APP: variants seen among roughly 807,000 people sequenced by gnomAD.
The protein encoded by APP is amyloid beta precursor protein, also known as amyloid-beta precursor protein.
In APP, 31 loss-of-function variants were observed where a neutral mutation model predicts 101.4. That is an observed-to-expected ratio of 0.31 (90% CI 0.23 to 0.41). APP has a LOEUF of 0.41. Ranked by LOEUF, APP falls within the 10% of genes least tolerant of loss-of-function variation. The probability of loss-of-function intolerance (pLI) is 1.00; values close to 1 mark genes in which losing one functional copy is unlikely to be tolerated. For synonymous variants in APP, 366 were observed against 364.4 expected (o/e 1.00, Z -0.05); for missense variants, 839 against 1,003.7 (o/e 0.84, Z 2.22).
Position 26,098,207 on chromosome 21 carries a change from T to G in APP, c.226-8135A>C, listed in dbSNP as rs189892829. ...TATTTTTATATATAATAATTATTAT[T>G]AATATTAAAAGCTTATCATCGGTAG... On this transcript the variant is annotated intron_variant, in intron 2 of 17. Transcript: ENST00000346798. Among the ~76,000 whole-genome samples, 588 of 149,000 alleles carry G rather than the reference T, an allele frequency of 3.9e-3. 7 individuals carry two copies. The highest frequency in any genetic ancestry group is 0.014 in the African/African-American group (567 of 41,036).
At chr21:25,917,293 T>C (rs2039401000) in intron 13 of APP, among the ~76,000 whole-genome samples, 1 of 149,568 alleles carries the variant, frequency 6.7e-6, no homozygotes, top group South Asian at 2.1e-4. Flanking sequence ...GCTTTGAGGA[T>C]GTATACGAGG....
intron 3 of APP, among the ~76,000 whole-genome samples, chr21:26,056,908 G>A (rs758867807): frequency 6.6e-6 from 1 of 152,182 alleles, no homozygotes; most frequent in African/African-American, 2.4e-5. Context: ...AATTGTAAGC[G>A]ATTCAACCAC....
At chr21:25,933,291 T>TG (rs1351643224) in intron 13 of APP, among the ~76,000 whole-genome samples, 2 of 152,146 alleles carry the variant, frequency 1.3e-5, no homozygotes, top group Admixed American at 1.3e-4. Context: ...TTTGTAGAGA[T>TG]GGGGTCTCAC....
intron 11 of APP, among the ~76,000 whole-genome samples, chr21:25,966,731 G>A (rs1195362755): frequency 6.6e-6 from 1 of 152,202 alleles, no homozygotes; most frequent in Non-Finnish European, 1.5e-5. Context: ...TTTGTTGGGT[G>A]AAGGGCAATT....
chr21:26,089,100 A>G (rs942702212), intron 3 of APP, among the ~76,000 whole-genome samples: 1 of 152,182 alleles, frequency 6.6e-6, no homozygotes, highest in African/African-American at 2.4e-5. Context: ...ATACATCAAT[A>G]TTTGTCCACA....
intron 1 of APP, among the ~76,000 whole-genome samples, chr21:26,139,369 A>T (rs2062992190): frequency 6.6e-6 from 1 of 152,156 alleles, no homozygotes; most frequent in African/African-American, 2.4e-5. Flanking sequence ...AGAAAGGGTT[A>T]TTTCTTCCAA....
intron 5 of APP, among the ~76,000 whole-genome samples, chr21:26,022,388 C>T (rs2044381399): frequency 6.6e-6 from 1 of 151,894 alleles, no homozygotes; most frequent in Admixed American, 6.6e-5. Context: ...TTTTTAGAAA[C>T]TACTCTGCAC....
At chr21:26,089,575 G>GA (rs1360717158) in intron 3 of APP, 3 of 125,298 alleles carry the variant, frequency 2.4e-5, no homozygotes, top group Non-Finnish European at 4.7e-5. Context: ...CTTTCTTCTA[G>GA]AAAGTCTATG....
rs8128764 is a variant in APP, at chr21:26,060,318, C to T, written c.356-6970G>A. On this transcript the variant is annotated intron_variant, in intron 3 of 17. Transcript: ENST00000346798. ...GAATACATGACAGCAATCAACACAG[C>T]GGGGTGGAGTCCCTACGACTGGAGA... is the stretch of plus-strand genomic sequence containing the variant. 4.6e-3 allele frequency among the ~76,000 whole-genome samples: 707 copies of T among 152,218 alleles called. 6 individuals carry two copies. The highest frequency in any genetic ancestry group is 0.016 in the African/African-American group (675 of 41,532).
rs531850513 is a variant in APP, at chr21:26,133,701, G to C, written c.58-21555C>G. ...GCAGGAGAATCGCTTGAACCTGAGG[G>C]GCAGAGGTTGCAGTGAGCCGAGATC... On this transcript the variant is annotated intron_variant, in intron 1 of 17. Transcript: ENST00000346798. Among the ~76,000 whole-genome samples, 25 of 152,206 alleles carry C rather than the reference G, an allele frequency of 1.6e-4. 1 individual carries two copies. In the South Asian group the frequency reaches 4.8e-3, roughly 29 times the overall value.
intron 13 of APP, among the ~76,000 whole-genome samples, chr21:25,913,606 C>T (rs2039190288): frequency 6.6e-6 from 1 of 152,228 alleles, no homozygotes; most frequent in African/African-American, 2.4e-5. Context: ...GGTGCATACA[C>T]ATTCATCTTG....
chr21:25,923,075 G>A (rs1164582265), intron 13 of APP, among the ~76,000 whole-genome samples: 4 of 136,064 alleles, frequency 2.9e-5, no homozygotes, highest in African/African-American at 5.7e-5. Flanking sequence ...AAATAACGCC[G>A]CATACCTACA....
At chr21:26,081,098 G>A (rs1173245310) in intron 3 of APP, among the ~76,000 whole-genome samples, 2 of 152,052 alleles carry the variant, frequency 1.3e-5, no homozygotes, top group Non-Finnish European at 2.9e-5. Flanking sequence ...AAATACATGG[G>A]ATGATTGAAT....
intron 3 of APP, among the ~76,000 whole-genome samples, chr21:26,072,122 G>C (rs1406611345): frequency 6.6e-6 from 1 of 152,076 alleles, no homozygotes; most frequent in Admixed American, 6.5e-5. Flanking sequence ...ACAGCTAATG[G>C]GTTAAAAAGC....
At chr21:26,082,716 C>T (rs2061622263) in intron 3 of APP, among the ~76,000 whole-genome samples, 1 of 152,150 alleles carries the variant, frequency 6.6e-6, no homozygotes, top group Non-Finnish European at 1.5e-5. Context: ...TACTTCCTGT[C>T]AAGTCTTCCT....
intron 2 of APP, among the ~76,000 whole-genome samples, chr21:26,106,024 G>C (rs1039191839): frequency 4.6e-5 from 7 of 152,208 alleles, no homozygotes; most frequent in Non-Finnish European, 1.0e-4. Context: ...GTGGCTCCAA[G>C]GGCAGACGTG....
chr21:26,022,145 A>G, intron 5 of APP, 103 bp from the exon 6 acceptor site: 1 of 1,321,882 alleles, frequency 7.6e-7, no homozygotes, highest in Non-Finnish European at 1.1e-6. Flanking sequence ...GAGAAGAAAC[A>G]CACCCAAAAC....
At chr21:25,976,336 T>C (rs549332278) in intron 9 of APP, among the ~76,000 whole-genome samples, 214 of 152,280 alleles carry the variant, frequency 1.4e-3, no homozygotes, top group African/African-American at 5.0e-3. Context: ...ATACCAACTA[T>C]TCATGGAAGG....
chr21:26,039,913 A>G lies in APP; in HGVS notation c.662+11087T>C, dbSNP rs569011091. Among the ~76,000 whole-genome samples, 3 of 152,306 alleles carry G rather than the reference A, an allele frequency of 2.0e-5. No individual in the cohort carries two copies. The East Asian group carries it at 5.8e-4, about 29-fold the overall frequency. On this transcript the variant is annotated intron_variant, in intron 5 of 17. Transcript: ENST00000346798. Reference sequence around the variant, plus strand: ...AAATAATAACTTGACTGCCTTACAAAATCAATTTGAGCTACTGTATTTACA... The same window carrying G: ...AAATAATAACTTGACTGCCTTACAAGATCAATTTGAGCTACTGTATTTACA...
Sources: allele counts gnomAD v4.1 joint callset (sites outside exome capture counted in the v4.1 genomes callset), GRCh38; gene constraint gnomAD v4.1.1; transcripts MANE v1.5; gene names NCBI Gene and HGNC (gene_info 2026-07-23, HGNC 2026-07-21).